The following ZDHHC15 variants were observed in gnomAD, a reference collection of about 807,000 sequenced individuals.
ZDHHC15 encodes the protein palmitoyltransferase ZDHHC15.
Under a neutral mutation model 31.7 loss-of-function variants are expected in ZDHHC15, and 19 were observed. That is an observed-to-expected ratio of 0.60 (90% CI 0.42 to 0.88). The LOEUF (loss-of-function observed/expected upper bound fraction) is 0.88, where lower values mean the gene tolerates loss of function less well. ZDHHC15 is among the 40% of genes least tolerant of loss of function. ZDHHC15 has a pLI of 0.00. For synonymous variants in ZDHHC15, 103 were observed against 90.0 expected, an observed-to-expected ratio of 1.14 and a Z score of -0.82; for missense variants, 209 against 251.2, an observed-to-expected ratio of 0.83 and a Z score of 1.14.
At chrX:75,491,189 C>T (rs2084883177) in intron 2 of ZDHHC15, among the ~76,000 whole-genome samples, 1 of 110,619 alleles carries the variant, frequency 9.0e-6, no homozygotes, top group South Asian at 3.9e-4. Flanking sequence ...ATGTTTACTG[C>T]AGCACTATTC....
intron 10 of ZDHHC15, among the ~76,000 whole-genome samples, chrX:75,406,524 C>A (rs1169024153): frequency 5.4e-5 from 6 of 110,230 alleles, no homozygotes; most frequent in Non-Finnish European, 1.1e-4. Flanking sequence ...ACAACTGATG[C>A]CACAGAAATA....
intron 3 of ZDHHC15, among the ~76,000 whole-genome samples, chrX:75,473,416 G>C (rs2084535226): frequency 9.0e-6 from 1 of 110,975 alleles, no homozygotes; most frequent in Non-Finnish European, 1.9e-5. Flanking sequence ...CAAAATTTTT[G>C]CTTCCTGTTC....
intron 11 of ZDHHC15, among the ~76,000 whole-genome samples, chrX:75,376,231 T>C (rs1387130675): frequency 9.6e-6 from 1 of 103,659 alleles, no homozygotes; most frequent in Admixed American, 1.1e-4. Context: ...CTGTTCATCA[T>C]GTCCTTTGCC....
At chrX:75,509,010 T>C (rs1307516753) in intron 1 of ZDHHC15, among the ~76,000 whole-genome samples, 1 of 111,395 alleles carries the variant, frequency 9.0e-6, no homozygotes, top group Middle Eastern at 4.2e-3. Flanking sequence ...TTTTTTCTTG[T>C]AAATTTGTTT....
chrX:75,452,971 G>C (rs990886352), intron 3 of ZDHHC15, among the ~76,000 whole-genome samples: 6 of 111,697 alleles, frequency 5.4e-5, no homozygotes, highest in African/African-American at 2.0e-4. Context: ...GCAATTAAAA[G>C]AACTAGAGAA....
At chrX:75,386,570 C>T (rs1270462183) in intron 10 of ZDHHC15, among the ~76,000 whole-genome samples, 1 of 110,837 alleles carries the variant, frequency 9.0e-6, no homozygotes, top group Non-Finnish European at 1.9e-5. Context: ...ACCTCCTGGG[C>T]TCAAGCGATC....
intron 2 of ZDHHC15, among the ~76,000 whole-genome samples, chrX:75,487,740 C>T (rs1415960884): frequency 1.8e-5 from 2 of 111,751 alleles, no homozygotes; most frequent in African/African-American, 3.2e-5. Flanking sequence ...CTCAAGGAGG[C>T]ACCAGACAAA....
intron 4 of ZDHHC15, among the ~76,000 whole-genome samples, chrX:75,437,025 G>T (rs1455345668): frequency 1.8e-5 from 2 of 111,023 alleles, no homozygotes; most frequent in Non-Finnish European, 3.8e-5. Flanking sequence ...GGGACTACAG[G>T]CACCCACCAC....
intron 3 of ZDHHC15, among the ~76,000 whole-genome samples, chrX:75,468,062 T>C (rs75698355): frequency 3.0e-5 from 2 of 66,535 alleles, no homozygotes; most frequent in Non-Finnish European, 6.3e-5. Flanking sequence ...TTTTTTTTTT[T>C]AGACAGAGTT....
intron 10 of ZDHHC15, among the ~76,000 whole-genome samples, chrX:75,405,274 A>G (rs1413849461): frequency 9.0e-6 from 1 of 111,445 alleles, no homozygotes. Flanking sequence ...GATGACTATT[A>G]GGTACTAAGC....
intron 3 of ZDHHC15, among the ~76,000 whole-genome samples, chrX:75,464,898 A>G (rs1301164317): frequency 8.9e-6 from 1 of 112,092 alleles, no homozygotes; most frequent in African/African-American, 3.2e-5. Flanking sequence ...CTGGCACAAG[A>G]TAAGGATGCC....
chrX:75,494,660 C>A lies in ZDHHC15; in HGVS notation c.163+11161G>T, dbSNP rs181421834. ...TACAACCATCTGATCTTTGACAAAC[C>A]TGACAAAAACAGGAAATTGGAAAAA... On this transcript the variant is annotated intron_variant, in intron 2 of 11. Transcript: ENST00000373367. Among the ~76,000 whole-genome samples the A allele has an allele frequency of 3.6e-5, 4 of 112,112 alleles. No homozygotes were observed. The East Asian group carries it at 1.1e-3, about 31-fold the overall frequency.
intron 3 of ZDHHC15, among the ~76,000 whole-genome samples, chrX:75,455,718 C>T (rs1263959079): frequency 8.9e-6 from 1 of 112,147 alleles, no homozygotes; most frequent in Non-Finnish European, 1.9e-5. Flanking sequence ...TGAACAGACA[C>T]TTTTCAAAAG....
chrX:75,507,033 G>T (rs1174638406), intron 1 of ZDHHC15, among the ~76,000 whole-genome samples: 4 of 111,127 alleles, frequency 3.6e-5, no homozygotes, highest in Non-Finnish European at 5.7e-5. Context: ...GGGAGCCGGT[G>T]AATTCTCCAG....
chrX:75,459,970 G>T (rs902348732), intron 3 of ZDHHC15, among the ~76,000 whole-genome samples: 1 of 111,933 alleles, frequency 8.9e-6, no homozygotes, highest in Non-Finnish European at 1.9e-5. Flanking sequence ...CTGCCTCCCA[G>T]GTTCAAGCGA....
At chrX:75,460,226 C>T (rs1171427342) in intron 3 of ZDHHC15, among the ~76,000 whole-genome samples, 1 of 111,557 alleles carries the variant, frequency 9.0e-6, no homozygotes, top group African/African-American at 3.3e-5. Flanking sequence ...CTGGGCAGGA[C>T]CTCCCTGTGG....
intron 10 of ZDHHC15, among the ~76,000 whole-genome samples, chrX:75,410,093 G>A (rs1183389735): frequency 1.8e-5 from 2 of 111,515 alleles, no homozygotes; most frequent in Non-Finnish European, 3.8e-5. Flanking sequence ...AAATCAAAAT[G>A]GATTGAAGAC....
intron 3 of ZDHHC15, among the ~76,000 whole-genome samples, chrX:75,451,525 T>C (rs1326570793): frequency 8.9e-6 from 1 of 112,247 alleles, no homozygotes; most frequent in Non-Finnish European, 1.9e-5. Flanking sequence ...TTGCAAAAGA[T>C]ATGCCATTGA....
intron 4 of ZDHHC15, among the ~76,000 whole-genome samples, chrX:75,435,465 T>G (rs769637621): frequency 3.2e-4 from 36 of 112,149 alleles, no homozygotes; most frequent in Non-Finnish European, 6.0e-4. Context: ...TCAGTATAAT[T>G]TAGCTGTGGG....
Sources: allele counts gnomAD v4.1 joint callset (sites outside exome capture counted in the v4.1 genomes callset), GRCh38; gene constraint gnomAD v4.1.1; transcripts MANE v1.5; gene names NCBI Gene and HGNC (gene_info 2026-07-23, HGNC 2026-07-21).